Variants in GRIP1 observed in about 807,000 individuals in gnomAD.
GRIP1 encodes glutamate receptor-interacting protein 1.
A neutral mutation model predicts 129.9 loss-of-function variants in GRIP1; 45 were observed. The observed-to-expected ratio is 0.35, with a 90% CI of 0.27 to 0.44. GRIP1 has a LOEUF of 0.44. GRIP1 is among the 20% of genes least tolerant of loss of function. The pLI, the probability that GRIP1 is intolerant of heterozygous loss-of-function variation, is 1.00. For synonymous variants in GRIP1, 530 were observed against 520.8 expected (o/e 1.02, Z -0.24); for missense variants, 1,196 against 1,396.8 (o/e 0.86, Z 2.29).
rs10556987 is a variant in GRIP1, at chr12:66,735,487, TCA to T, written c.-420+68564_-420+68565del. Among the ~76,000 whole-genome samples the T allele has an allele frequency of 3.2e-3, 482 of 152,188 alleles. 2 individuals are homozygous for T. Among genetic ancestry groups the T allele is most frequent in the African/African-American group, 0.011 (451 of 41,530 alleles). The stretch of plus-strand genomic sequence containing the variant: ...AGGGGAATCCAAGAGCATAACAATC[TCA>T]CAGTCTGGACATAAATTTCTGACTC... On this transcript the variant is annotated intron_variant, in intron 1 of 4. Transcript: ENST00000538373.
At chr12:66,832,306 A>C (rs2039533418) in intron 1 of GRIP1, among the ~76,000 whole-genome samples, 1 of 152,216 alleles carries the variant, frequency 6.6e-6, no homozygotes, top group Admixed American at 6.5e-5. Flanking sequence ...AGTCATGAGC[A>C]CAATGCCTTA....
intron 1 of GRIP1, among the ~76,000 whole-genome samples, chr12:66,765,147 T>C (rs551707237): frequency 8.9e-6 from 1 of 112,268 alleles, no homozygotes; most frequent in East Asian, 2.7e-4. Flanking sequence ...ACATTTGGTC[T>C]TCCTCAATGA....
intron 1 of GRIP1, among the ~76,000 whole-genome samples, chr12:66,696,833 G>C (rs1179740465): frequency 1.8e-5 from 2 of 113,754 alleles, no homozygotes; most frequent in Non-Finnish European, 3.7e-5. Context: ...AAAAAAAAAA[G>C]AATTACTGTT....
intron 4 of GRIP1, among the ~76,000 whole-genome samples, chr12:66,533,028 A>G (rs1258590597): frequency 6.6e-6 from 1 of 152,192 alleles, no homozygotes; most frequent in Non-Finnish European, 1.5e-5. Context: ...ATCTAAAGAC[A>G]GATAAAACAA....
intron 1 of GRIP1, among the ~76,000 whole-genome samples, chr12:66,778,060 A>T (rs2038043227): frequency 6.6e-6 from 1 of 152,188 alleles, no homozygotes; most frequent in Admixed American, 6.5e-5. Flanking sequence ...ATACCTTACT[A>T]ATAATTTTTA....
chr12:66,450,027 G>A (rs533452718), intron 11 of GRIP1, among the ~76,000 whole-genome samples: 21 of 151,974 alleles, frequency 1.4e-4, no homozygotes, highest in African/African-American at 3.1e-4. Context: ...AGAGCCGGGC[G>A]CGGTGGCTCA....
chr12:66,887,169 T>A (rs1438668933), intron 1 of GRIP1, among the ~76,000 whole-genome samples: 1 of 152,260 alleles, frequency 6.6e-6, no homozygotes, highest in East Asian at 1.9e-4. Context: ...TTTGAAGACT[T>A]CGCCTTCTGG....
At chr12:66,655,741 C>T (rs1292916111) in intron 1 of GRIP1, among the ~76,000 whole-genome samples, 2 of 151,778 alleles carry the variant, frequency 1.3e-5, no homozygotes, top group African/African-American at 4.8e-5. Flanking sequence ...TCCTGAGTAG[C>T]TGGGACTACA....
chr12:66,596,033 AG>A (rs779808526), intron 2 of GRIP1, among the ~76,000 whole-genome samples: 6 of 152,178 alleles, frequency 3.9e-5, no homozygotes, highest in Non-Finnish European at 8.8e-5. Flanking sequence ...CCTGTAGCTG[AG>A]GTTTAGCTGT....
At chr12:66,365,930 C>CT (rs2055113269) in intron 23 of GRIP1, among the ~76,000 whole-genome samples, 1 of 152,204 alleles carries the variant, frequency 6.6e-6, no homozygotes, top group African/African-American at 2.4e-5. Context: ...CCTGCTCCCT[C>CT]TTTGGTAAGT....
chr12:66,924,080 G>C (rs549882730), intron 1 of GRIP1, among the ~76,000 whole-genome samples: 1 of 152,142 alleles, frequency 6.6e-6, no homozygotes, highest in East Asian at 1.9e-4. Flanking sequence ...CCTGGCAGCA[G>C]GTGATTCACC....
intron 7 of GRIP1, among the ~76,000 whole-genome samples, chr12:66,514,059 C>T (rs2060776199): frequency 6.6e-6 from 1 of 152,142 alleles, no homozygotes; most frequent in Admixed American, 6.6e-5. Context: ...CTGTGCCTGC[C>T]CTTATTCCCT....
chr12:66,815,832 C>CTTTCTTTCTT (rs1555241770), intron 1 of GRIP1, among the ~76,000 whole-genome samples: 3 of 37,434 alleles, frequency 8.0e-5, no homozygotes, highest in African/African-American at 1.4e-4. Flanking sequence ...TTCTTTCTTT[C>CTTTCTTTCTT]TTTCTTTCTT....
intron 1 of GRIP1, among the ~76,000 whole-genome samples, chr12:66,920,107 T>C (rs2041188701): frequency 6.6e-6 from 1 of 152,118 alleles, no homozygotes; most frequent in Admixed American, 6.6e-5. Flanking sequence ...TAAGTCAATT[T>C]GAATAATAAA....
chr12:66,653,536 C>T (rs2032947378), intron 1 of GRIP1, among the ~76,000 whole-genome samples: 1 of 152,214 alleles, frequency 6.6e-6, no homozygotes, highest in South Asian at 2.1e-4. Flanking sequence ...ATTGCCTTAT[C>T]TTCAGTTTCT....
chr12:66,942,836 C>T (rs370744610), intron 1 of GRIP1, among the ~76,000 whole-genome samples: 3 of 152,264 alleles, frequency 2.0e-5, no homozygotes, highest in East Asian at 1.9e-4. Flanking sequence ...CTCGTGAATA[C>T]GACTGTGCCT....
At chr12:66,894,722 T>C (rs935762970) in intron 1 of GRIP1, among the ~76,000 whole-genome samples, 3 of 152,100 alleles carry the variant, frequency 2.0e-5, no homozygotes, top group Admixed American at 2.0e-4. Flanking sequence ...TACACAGACT[T>C]AGGAATTAAA....
chr12:66,848,450 G>C (rs1258417177), intron 1 of GRIP1, among the ~76,000 whole-genome samples: 1 of 152,144 alleles, frequency 6.6e-6, no homozygotes, highest in Non-Finnish European at 1.5e-5. Context: ...ATCCAAAGGA[G>C]TGGCTGACCA....
intron 1 of GRIP1, among the ~76,000 whole-genome samples, chr12:66,756,264 G>A (rs888613775): frequency 1.3e-5 from 2 of 152,064 alleles, no homozygotes; most frequent in Non-Finnish European, 2.9e-5. Context: ...GACACCTCAC[G>A]TGAGTGCAAT....
Sources: gnomAD v4.1 joint callset for allele counts (sites outside exome capture counted in the v4.1 genomes callset) on GRCh38, gnomAD v4.1.1 for gene constraint, MANE v1.5 for transcripts, NCBI Gene and HGNC (gene_info 2026-07-23, HGNC 2026-07-21) for gene names.